The following TNFSF12 variants were observed in gnomAD, a reference collection of about 807,000 sequenced individuals.
TNFSF12 encodes the protein tumor necrosis factor ligand superfamily member 12.
TNFSF12 carries 16 observed loss-of-function variants against 31.2 expected under a neutral mutation model. The observed-to-expected ratio is 0.51, with a 90% CI of 0.35 to 0.78. The LOEUF is 0.78. TNFSF12 is among the 30% of genes least tolerant of loss of function. The pLI is 0.01. For synonymous variants in TNFSF12, 150 were observed against 151.4 expected, an observed-to-expected ratio of 0.99 and a Z score of 0.07; for missense variants, 324 against 338.8, an observed-to-expected ratio of 0.96 and a Z score of 0.34.
intron 5 of TNFSF12, among the ~76,000 whole-genome samples, chr17:7,551,867 A>C (rs2071004717): frequency 6.6e-6 from 1 of 152,152 alleles, no homozygotes; most frequent in Non-Finnish European, 1.5e-5. Flanking sequence ...GGCTTACTGC[A>C]ACCTCTGCCT....
At position 7,550,079 on chromosome 17, in the gene TNFSF12, CT is replaced by C; in HGVS notation, c.208-40del. 1 of 1,613,970 alleles carries C rather than the reference CT, an allele frequency of 6.2e-7. No homozygotes were observed. Among genetic ancestry groups the C allele is most frequent in the Non-Finnish European group, 8.5e-7 (1 of 1,179,924 alleles). On this transcript the variant is annotated intron_variant, in intron 2 of 6. Transcript: ENST00000293825. This position sits in a 1 kb window ranked among gnomAD's most constrained non-coding sequence, Gnocchi z 4.4. ...AGGCCCCGTATGTCTCACTTTATATCTCTGGGAGTCTGTGGTTGAACCCTGC... is the reference window on the plus strand; with the variant it reads ...AGGCCCCGTATGTCTCACTTTATATCCTGGGAGTCTGTGGTTGAACCCTGC...
chr17:7,549,190 C>T lies in TNFSF12; in HGVS notation c.37C>T (p.Arg13Trp). The T allele has an allele frequency of 1.5e-6, 2 of 1,305,758 alleles. No homozygotes were observed. The highest frequency in any genetic ancestry group is 1.9e-6 in the Non-Finnish European group (2 of 1,031,184). 80.9% of individuals were successfully genotyped at this position (1,305,758 alleles called of 1,614,324 possible). Residue 13 changes from arginine to tryptophan, a missense_variant, in exon 1 of 7, where the codon CGG becomes TGG. Arg to Trp is a moderately radical substitution (Grantham distance 101). Coordinates refer to ENST00000293825, the MANE Select transcript of TNFSF12 (RefSeq NM_003809.3). The surrounding 1 kb of genome is among the most constrained non-coding windows in gnomAD (Gnocchi z 4.1). ...TCGGAGCCAGAGGCGGAGGGGGCGCCGGGGGGAGCCGGGCACCGCCCTGCT... is the reference window on the plus strand; with the variant it reads ...TCGGAGCCAGAGGCGGAGGGGGCGCTGGGGGGAGCCGGGCACCGCCCTGCT... ...ARRSQRRRGR[R>W]GEPGTALLVP...
In TNFSF12 at chr17:7,549,531, C is replaced by T. The variant is rs781196267; in HGVS notation, c.207+10C>T. 1.3e-5 allele frequency: 20 copies of T among 1,545,134 alleles called. No individual in the cohort carries two copies. Among genetic ancestry groups the T allele is most frequent in the South Asian group, 2.4e-5 (2 of 83,542 alleles). ...GGACCAGGACCCGTCGGTGAGTGGG[C>T]GTGGGCGCGGTCTGCAGGCTGCTGG... is the stretch of plus-strand genomic sequence containing the variant. On this transcript the variant is annotated intron_variant, in intron 2 of 6. Transcript: ENST00000293825. This position sits in a 1 kb window ranked among gnomAD's most constrained non-coding sequence, Gnocchi z 4.1.
chr17:7,555,973 G>GTTTTTTGTTTTTTTTTTTTTTTTTTT (rs1555564686), intron 5 of TNFSF12, among the ~76,000 whole-genome samples: 14 of 70,878 alleles, frequency 2.0e-4, no homozygotes, highest in Non-Finnish European at 3.1e-4. Flanking sequence ...CCCAGTGAGC[G>GTTTTTTGTTTTTTTTTTTTTTTTTTT]TTTTTTTTGT....
Position 7,549,730 on chromosome 17 carries a change from G to C in TNFSF12, c.207+209G>C. On this transcript the variant is annotated intron_variant, in intron 2 of 6. Transcript: ENST00000293825. The surrounding 1 kb of genome is among the most constrained non-coding windows in gnomAD (Gnocchi z 4.1). ...GGTTTGTGCTGGGGTTGTGCCACCT[G>C]AGTCTGAGGTGTTTATTGGCTGGGG... The C allele has an allele frequency of 1.2e-6, 1 of 806,932 alleles. No homozygotes were observed. The allele number at this position is 806,932 out of a possible 1,614,324, so 50.0% of individuals were successfully genotyped here.
Position 7,549,525 on chromosome 17 carries a change from A to G in TNFSF12, c.207+4A>G. On this transcript the variant is annotated splice_donor_region_variant and intron_variant, in intron 2 of 6. Transcript: ENST00000293825. This position sits in a 1 kb window ranked among gnomAD's most constrained non-coding sequence, Gnocchi z 4.1. ...AGAGGAGGACCAGGACCCGTCGGTG[A>G]GTGGGCGTGGGCGCGGTCTGCAGGC... 1 of 1,549,758 alleles carries G rather than the reference A, an allele frequency of 6.5e-7. No individual in the cohort carries two copies. Among genetic ancestry groups the G allele is most frequent in the Non-Finnish European group, 8.7e-7 (1 of 1,144,620 alleles).
Position 7,550,761 on chromosome 17 carries a change from G to C in TNFSF12, c.284-38G>C, listed in dbSNP as rs2070991608. 2 of 1,593,654 alleles carry C rather than the reference G, an allele frequency of 1.3e-6. No individual in the cohort carries two copies. The highest frequency in any genetic ancestry group is 3.4e-5 in the Admixed American group (2 of 59,478). ...GAGAGTTGCTCTGGGACCCCCACTA[G>C]GGCCCGCTTTGCTCATCTGTCTTTC... On this transcript the variant is annotated intron_variant, in intron 3 of 6. Coordinates refer to ENST00000293825, the MANE Select transcript of TNFSF12 (RefSeq NM_003809.3). This position sits in a 1 kb window ranked among gnomAD's most constrained non-coding sequence, Gnocchi z 4.4.
Position 7,550,726 on chromosome 17 carries a change from A to T in TNFSF12, c.284-73A>T. On this transcript the variant is annotated intron_variant, in intron 3 of 6. Coordinates refer to ENST00000293825, the MANE Select transcript of TNFSF12 (RefSeq NM_003809.3). This position sits in a 1 kb window ranked among gnomAD's most constrained non-coding sequence, Gnocchi z 4.4. Reference sequence around the variant, plus strand: ...GGATGCCAGGGTTCCTGAGAGGGGAATGGGGCTGGGAGAGTTGCTCTGGGA... The same window carrying T: ...GGATGCCAGGGTTCCTGAGAGGGGATTGGGGCTGGGAGAGTTGCTCTGGGA... The T allele has an allele frequency of 5.7e-6, 9 of 1,566,272 alleles. No individual in the cohort carries two copies. The highest frequency in any genetic ancestry group is 7.8e-6 in the Non-Finnish European group (9 of 1,147,710).
At position 7,557,859 on chromosome 17, in the gene TNFSF12, T is replaced by C. The variant is rs1288791148; in HGVS notation, c.*509T>C. 1 of 155,096 alleles carries C rather than the reference T, an allele frequency of 6.4e-6. No individual in the cohort carries two copies. The highest frequency in any genetic ancestry group is 1.9e-4 in the East Asian group (1 of 5,222). The allele number at this position is 155,096 out of a possible 1,614,324, so 9.6% of individuals were successfully genotyped here. On this transcript the variant is annotated 3_prime_UTR_variant, in exon 7 of 7. Transcript: ENST00000293825. The surrounding 1 kb of genome is among the most constrained non-coding windows in gnomAD (Gnocchi z 5.2). Reference sequence around the variant, plus strand: ...TTTTATTATTATTGTGACAAAATGTTGATAAATGGATATTAAATAGAATAA... The same window carrying C: ...TTTTATTATTATTGTGACAAAATGTCGATAAATGGATATTAAATAGAATAA...
Position 7,549,709 on chromosome 17 carries a change from T to C in TNFSF12, c.207+188T>C. ...TGGTGACAACTCTGTGTGAGGGGTT[T>C]GTGCTGGGGTTGTGCCACCTGAGTC... On this transcript the variant is annotated intron_variant, in intron 2 of 6. Transcript: ENST00000293825. The surrounding 1 kb of genome is among the most constrained non-coding windows in gnomAD (Gnocchi z 4.1). 1 of 1,010,984 alleles carries C rather than the reference T, an allele frequency of 9.9e-7. No individual in the cohort carries two copies. The highest frequency in any genetic ancestry group is 1.4e-6 in the Non-Finnish European group (1 of 721,910). 62.6% of individuals were successfully genotyped at this position (1,010,984 alleles called of 1,614,324 possible).
In TNFSF12 at chr17:7,557,543, T is replaced by C; in HGVS notation, c.*193T>C. ...AGTATTCCCACTCTTATCTTACAAC[T>C]CCCCCACCGCCCACTCTCCACCTCA... On this transcript the variant is annotated 3_prime_UTR_variant, in exon 7 of 7. Coordinates refer to ENST00000293825, the MANE Select transcript of TNFSF12 (RefSeq NM_003809.3). The surrounding 1 kb of genome is among the most constrained non-coding windows in gnomAD (Gnocchi z 5.2). 1 of 767,990 alleles carries C rather than the reference T, an allele frequency of 1.3e-6. No homozygotes were observed. Among genetic ancestry groups the C allele is most frequent in the South Asian group, 2.2e-5 (1 of 46,490 alleles). 47.6% of individuals were successfully genotyped at this position (767,990 alleles called of 1,614,324 possible).
chr17:7,552,230 C>T (rs1184430721), intron 5 of TNFSF12, among the ~76,000 whole-genome samples: 1 of 151,392 alleles, frequency 6.6e-6, no homozygotes, highest in East Asian at 1.9e-4. Context: ...GGATAAATGA[C>T]AATAAAGTAA....
In TNFSF12 at chr17:7,557,373, C is replaced by T. The variant is rs751337657; in HGVS notation, c.*23C>T. ...TGAGGGGCCCTGGTCTCCCCGCAGT[C>T]GTCCCAGGCTGCCGGCTCCCCTCGA... On this transcript the variant is annotated 3_prime_UTR_variant, in exon 7 of 7. Transcript: ENST00000293825. This position sits in a 1 kb window ranked among gnomAD's most constrained non-coding sequence, Gnocchi z 5.2. 21 of 1,554,016 alleles carry T rather than the reference C, an allele frequency of 1.4e-5. No individual in the cohort carries two copies. The highest frequency in any genetic ancestry group is 4.1e-5 in the African/African-American group (3 of 73,590).
At chr17:7,552,907 G>A (rs769600501) in intron 5 of TNFSF12, among the ~76,000 whole-genome samples, 11 of 152,044 alleles carry the variant, frequency 7.2e-5, no homozygotes, top group Non-Finnish European at 1.3e-4. Flanking sequence ...GTTTGGTAAC[G>A]TGAAAGTCCT....
chr17:7,556,231 T>G (rs2071063872), intron 5 of TNFSF12, among the ~76,000 whole-genome samples: 1 of 152,134 alleles, frequency 6.6e-6, no homozygotes, highest in African/African-American at 2.4e-5. Flanking sequence ...TCCGCCCACC[T>G]TGGCCTCTCA....
chr17:7,549,181 A>AGGGGGCGCCG lies in TNFSF12; in HGVS notation c.34_43dup (p.Glu15AlafsTer86). 1.5e-6 allele frequency: 2 copies of AGGGGGCGCCG among 1,299,152 alleles called. No individual in the cohort carries two copies. Among genetic ancestry groups the AGGGGGCGCCG allele is most frequent in the Non-Finnish European group, 1.9e-6 (2 of 1,027,334 alleles). The allele number at this position is 1,299,152 out of a possible 1,614,324, so 80.5% of individuals were successfully genotyped here. ...GGCCGCCCGTCGGAGCCAGAGGCGG[A>AGGGGGCGCCG]GGGGGCGCCGGGGGGAGCCGGGCAC... On this transcript the variant is annotated frameshift_variant, in exon 1 of 7. Transcript: ENST00000293825. LOFTEE classifies it high-confidence loss of function. This position sits in a 1 kb window ranked among gnomAD's most constrained non-coding sequence, Gnocchi z 4.1.
chr17:7,557,255 C>T lies in TNFSF12; in HGVS notation c.655C>T (p.Arg219Trp), dbSNP rs764236967. The change falls in exon 7 of 7, where the codon CGG becomes TGG. Residue 219 changes from arginine to tryptophan, a missense_variant. Coordinates refer to ENST00000293825, the MANE Select transcript of TNFSF12 (RefSeq NM_003809.3). The surrounding 1 kb of genome is among the most constrained non-coding windows in gnomAD (Gnocchi z 5.2). ...LCQVSGLLAL[R>W]PGSSLRIRTL... The stretch of plus-strand genomic sequence containing the variant: ...CCAGGTGTCTGGGCTGTTGGCCCTG[C>T]GGCCAGGGTCCTCCCTGCGGATCCG... The T allele has an allele frequency of 3.8e-5, 61 of 1,613,594 alleles. No individual in the cohort carries two copies. Among genetic ancestry groups the T allele is most frequent in the Middle Eastern group, 1.6e-4 (1 of 6,084 alleles).
In TNFSF12 at chr17:7,549,139, C is replaced by T. The variant is rs935162125; in HGVS notation, c.-15C>T. ...GGATGGGGGGGCGGTGAGGCAGGCA[C>T]AGCCCCCCGCCCCCATGGCCGCCCG... is the stretch of plus-strand genomic sequence containing the variant. On this transcript the variant is annotated 5_prime_UTR_variant, in exon 1 of 7. Coordinates refer to ENST00000293825, the MANE Select transcript of TNFSF12 (RefSeq NM_003809.3). The surrounding 1 kb of genome is among the most constrained non-coding windows in gnomAD (Gnocchi z 4.1). The T allele has an allele frequency of 3.2e-6, 4 of 1,264,360 alleles. No homozygotes were observed. In the African/African-American group the frequency reaches 6.2e-5, roughly 20 times the overall value. The allele number at this position is 1,264,360 out of a possible 1,614,324, so 78.3% of individuals were successfully genotyped here. A position where few individuals can be genotyped will look rare whatever the true frequency, so the allele number is the denominator to read the frequency against.
Position 7,553,899 on chromosome 17 carries a change from G to C in TNFSF12, c.374-2879G>C, listed in dbSNP as rs955790832. ...GACTTCTAGGTCCTCTGGACAACTA[G>C]GGAGATGGAGACAGGAGATTTGAGG... On this transcript the variant is annotated intron_variant, in intron 5 of 6. Transcript: ENST00000293825. The C allele has an allele frequency of 6.8e-6, 7 of 1,033,272 alleles. No homozygotes were observed. The African/African-American group carries it at 8.3e-5, about 12-fold the overall frequency. 64.0% of individuals were successfully genotyped at this position (1,033,272 alleles called of 1,614,324 possible). A position where few individuals can be genotyped will look rare whatever the true frequency, so the allele number is the denominator to read the frequency against.
Sources: gnomAD v4.1 joint callset for allele counts (sites outside exome capture counted in the v4.1 genomes callset) on GRCh38, gnomAD v4.1.1 for gene constraint, Gnocchi (gnomAD v3.1) non-coding constraint, MANE v1.5 for transcripts, NCBI Gene and HGNC (gene_info 2026-07-23, HGNC 2026-07-21) for gene names.